Variants in KCNIP4 observed in about 807,000 individuals in gnomAD.
KCNIP4 encodes the protein Kv channel-interacting protein 4.
A neutral mutation model predicts 34.0 loss-of-function variants in KCNIP4; 12 were observed. The ratio of observed to expected loss-of-function variants is 0.35; its 90% confidence interval spans 0.23 to 0.57. The LOEUF (loss-of-function observed/expected upper bound fraction) is 0.57. Among genes scored for constraint, KCNIP4 ranks in the 20% least tolerant of loss-of-function variants. The pLI, the probability that KCNIP4 is intolerant of heterozygous loss-of-function variation, is 0.83. For synonymous variants in KCNIP4, 124 were observed against 102.2 expected (o/e 1.21, Z -1.29); for missense variants, 238 against 311.7 (o/e 0.76, Z 1.78).
rs1560339719 is a variant in KCNIP4, at chr4:21,372,394, T to TAGATAGA, written c.62-489686_62-489685insTCTATCT. 6.8e-4 allele frequency among the ~76,000 whole-genome samples: 41 copies of TAGATAGA among 60,498 alleles called. 2 individuals carry two copies. In the East Asian group the frequency reaches 6.8e-3, roughly 10 times the overall value. 39.7% of individuals were successfully genotyped at this position (60,498 alleles called of 152,430 possible). A position where few individuals can be genotyped will look rare whatever the true frequency, so the allele number is the denominator to read the frequency against. On this transcript the variant is annotated intron_variant, in intron 1 of 8. Transcript: ENST00000382152. ...GATAGATAGATAGATAGATAGATAG[T>TAGATAGA]TAGATAGACAGACAGACAGATACAG...
intron 1 of KCNIP4, among the ~76,000 whole-genome samples, chr4:21,927,347 T>A (rs1218202728): frequency 6.6e-6 from 1 of 152,134 alleles, no homozygotes; most frequent in East Asian, 1.9e-4. Flanking sequence ...AATATGGACA[T>A]CTTTGGAGGC....
At chr4:20,901,297 TTTTC>T (rs1188010439) in intron 1 of KCNIP4, among the ~76,000 whole-genome samples, 5 of 152,234 alleles carry the variant, frequency 3.3e-5, no homozygotes, top group Non-Finnish European at 7.3e-5. Flanking sequence ...GGGTTTCTCT[TTTTC>T]TTTATGTCCT....
intron 1 of KCNIP4, among the ~76,000 whole-genome samples, chr4:21,664,102 C>T (rs549914328): frequency 1.3e-5 from 2 of 152,150 alleles, no homozygotes; most frequent in South Asian, 4.2e-4. Context: ...TGCACCACCA[C>T]AACTGGCTAA....
chr4:20,975,893 A>G (rs1385917467), intron 1 of KCNIP4, among the ~76,000 whole-genome samples: 1 of 152,218 alleles, frequency 6.6e-6, no homozygotes, highest in African/African-American at 2.4e-5. Context: ...TGAAAATTGT[A>G]TGGGATTCAA....
At chr4:21,335,642 A>T (rs949292221) in intron 1 of KCNIP4, among the ~76,000 whole-genome samples, 4 of 152,218 alleles carry the variant, frequency 2.6e-5, no homozygotes, top group Non-Finnish European at 4.4e-5. Context: ...GTTTTAATAA[A>T]CATTTAAAAA....
At chr4:20,972,262 T>C (rs1025141947) in intron 1 of KCNIP4, among the ~76,000 whole-genome samples, 4 of 152,230 alleles carry the variant, frequency 2.6e-5, no homozygotes, top group African/African-American at 9.6e-5. Flanking sequence ...TACAGAATGG[T>C]GAATCCTTTC....
At chr4:21,095,560 AAAT>A (rs1275563324) in intron 1 of KCNIP4, among the ~76,000 whole-genome samples, 1 of 152,218 alleles carries the variant, frequency 6.6e-6, no homozygotes, top group Non-Finnish European at 1.5e-5. Flanking sequence ...AATGAAATAA[AAAT>A]AATTAGACTC....
intron 3 of KCNIP4, among the ~76,000 whole-genome samples, chr4:20,832,959 G>A (rs1021628660): frequency 6.6e-6 from 1 of 152,076 alleles, no homozygotes; most frequent in Non-Finnish European, 1.5e-5. Context: ...ATTGTTTAAA[G>A]TTTTCTGCAT....
intron 1 of KCNIP4, among the ~76,000 whole-genome samples, chr4:21,362,217 C>T (rs1719306934): frequency 6.6e-6 from 1 of 152,090 alleles, no homozygotes; most frequent in South Asian, 2.1e-4. Context: ...CATAATGAAG[C>T]TATATCACTT....
At chr4:20,981,364 T>C (rs1736045175) in intron 1 of KCNIP4, among the ~76,000 whole-genome samples, 1 of 152,214 alleles carries the variant, frequency 6.6e-6, no homozygotes, top group Non-Finnish European at 1.5e-5. Flanking sequence ...ACATGCCCAT[T>C]ATATGATTTT....
chr4:20,840,909 T>C (rs1374552197), intron 3 of KCNIP4, among the ~76,000 whole-genome samples: 1 of 152,144 alleles, frequency 6.6e-6, no homozygotes, highest in Non-Finnish European at 1.5e-5. Context: ...ACTCATTTGA[T>C]AGAATAATAT....
chr4:21,822,719 C>CTTT (rs71193413), intron 1 of KCNIP4, among the ~76,000 whole-genome samples: 10 of 137,836 alleles, frequency 7.3e-5, no homozygotes, highest in Non-Finnish European at 1.1e-4. Flanking sequence ...ATTAATTTTC[C>CTTT]TTTTTTTTTT....
intron 1 of KCNIP4, among the ~76,000 whole-genome samples, chr4:21,695,118 C>T (rs756082379): frequency 3.9e-5 from 6 of 152,022 alleles, no homozygotes; most frequent in Non-Finnish European, 8.8e-5. Flanking sequence ...CTGTTTCCTA[C>T]TTCTTCATTA....
At chr4:21,039,402 CAA>C (rs1403530671) in intron 1 of KCNIP4, among the ~76,000 whole-genome samples, 47 of 151,206 alleles carry the variant, frequency 3.1e-4, no homozygotes, top group African/African-American at 1.0e-3. Context: ...GAATAAGCAT[CAA>C]GAGAGAGTAG....
intron 1 of KCNIP4, among the ~76,000 whole-genome samples, chr4:20,908,047 C>T (rs1012036009): frequency 6.6e-6 from 1 of 151,458 alleles, no homozygotes; most frequent in African/African-American, 2.4e-5. Context: ...TCTAATTAAC[C>T]AAATTTCATG....
intron 1 of KCNIP4, among the ~76,000 whole-genome samples, chr4:21,768,930 T>C (rs1210326078): frequency 6.6e-6 from 1 of 152,094 alleles, no homozygotes; most frequent in East Asian, 1.9e-4. Flanking sequence ...TTTCAAACAT[T>C]TGGAATTTTT....
intron 1 of KCNIP4, among the ~76,000 whole-genome samples, chr4:21,659,330 T>G (rs980225309): frequency 4.6e-5 from 7 of 152,192 alleles, no homozygotes; most frequent in African/African-American, 1.7e-4. Flanking sequence ...TTTAAAATCT[T>G]ACTAAGAATC....
intron 1 of KCNIP4, among the ~76,000 whole-genome samples, chr4:21,898,568 G>C (rs1230493343): frequency 6.6e-6 from 1 of 152,158 alleles, no homozygotes; most frequent in East Asian, 1.9e-4. Context: ...TGAATGGAAA[G>C]AGCCAGTCCT....
intron 1 of KCNIP4, among the ~76,000 whole-genome samples, chr4:21,765,951 A>G (rs2109180010): frequency 6.6e-6 from 1 of 152,210 alleles, no homozygotes; most frequent in Non-Finnish European, 1.5e-5. Flanking sequence ...AGCGGCCATT[A>G]GATTAGAAAG....
Sources: allele counts gnomAD v4.1 joint callset (sites outside exome capture counted in the v4.1 genomes callset), GRCh38; gene constraint gnomAD v4.1.1; transcripts MANE v1.5; gene names NCBI Gene and HGNC (gene_info 2026-07-23, HGNC 2026-07-21).